The following GALNT13 variants were observed in gnomAD, a reference collection of about 807,000 sequenced individuals.
The protein encoded by GALNT13 is polypeptide N-acetylgalactosaminyltransferase 13.
GALNT13 carries 28 observed loss-of-function variants against 64.2 expected under a neutral mutation model. The ratio of observed to expected loss-of-function variants is 0.44; its 90% CI spans 0.32 to 0.60. The LOEUF (loss-of-function observed/expected upper bound fraction) is 0.60. Among genes scored for constraint, GALNT13 ranks in the 20% least tolerant of loss-of-function variants. The pLI is 0.05. For missense variants in GALNT13, 577 were observed against 669.8 expected, an observed-to-expected ratio of 0.86 and a Z score of 1.53; for synonymous variants, 214 against 224.6, an observed-to-expected ratio of 0.95 and a Z score of 0.42.
chr2:153,896,280 A>T (rs1187139493), intron 1 of GALNT13, among the ~76,000 whole-genome samples: 2 of 150,758 alleles, frequency 1.3e-5, no homozygotes, highest in East Asian at 4.0e-4. Flanking sequence ...TTTTCTGACT[A>T]TAATATAATG....
chr2:153,982,636 T>G (rs1444690), intron 3 of GALNT13, among the ~76,000 whole-genome samples: 116,121 of 151,798 alleles, frequency 0.76, 44,805 homozygotes, highest in East Asian at 0.96. Flanking sequence ...GTAATATAGG[T>G]TCTATTCTAA....
At chr2:153,835,071 G>T in the GALNT13 span, among the ~76,000 whole-genome samples, 1 of 152,014 alleles carries the variant, frequency 6.6e-6, no homozygotes, top group Non-Finnish European at 1.5e-5. Flanking sequence ...AAGACAGTCT[G>T]GTCCTTGAAG....
chr2:154,392,883 G>T (rs1698862541), intron 9 of GALNT13, among the ~76,000 whole-genome samples: 1 of 152,214 alleles, frequency 6.6e-6, no homozygotes, highest in Non-Finnish European at 1.5e-5. Context: ...GAGAAGTTAG[G>T]ACCAGGATGG....
At chr2:153,366,228 T>G in the GALNT13 span, among the ~76,000 whole-genome samples, 1 of 151,932 alleles carries the variant, frequency 6.6e-6, no homozygotes, top group Non-Finnish European at 1.5e-5. Context: ...AACAACACAC[T>G]GAGGCCTGTT....
At chr2:153,231,083 T>C in the GALNT13 span, among the ~76,000 whole-genome samples, 1 of 152,186 alleles carries the variant, frequency 6.6e-6, no homozygotes, top group Non-Finnish European at 1.5e-5. Flanking sequence ...TTTCTTCCCC[T>C]CTAAGCTCCT....
chr2:153,092,544 G>T, the GALNT13 span, among the ~76,000 whole-genome samples: 1 of 151,992 alleles, frequency 6.6e-6, no homozygotes, highest in East Asian at 1.9e-4. Context: ...TTTTATTATA[G>T]AGATATTTTA....
chr2:153,541,566 CCTT>C, the GALNT13 span, among the ~76,000 whole-genome samples: 1 of 152,286 alleles, frequency 6.6e-6, no homozygotes, highest in South Asian at 2.1e-4. Context: ...ATTACTCTAA[CCTT>C]CTCCCCTGCG....
chr2:153,986,557 T>C (rs1033355737), intron 3 of GALNT13, among the ~76,000 whole-genome samples: 2 of 151,940 alleles, frequency 1.3e-5, no homozygotes, highest in African/African-American at 4.8e-5. Flanking sequence ...AATTGTAAAG[T>C]TGCTTTGAGT....
the GALNT13 span, among the ~76,000 whole-genome samples, chr2:153,375,230 T>A: frequency 6.6e-6 from 1 of 152,230 alleles, no homozygotes; most frequent in African/African-American, 2.4e-5. Flanking sequence ...GAAGTATAAC[T>A]TATATTTTTC....
the GALNT13 span, among the ~76,000 whole-genome samples, chr2:153,524,254 G>C: frequency 1.3e-5 from 2 of 151,530 alleles, no homozygotes; most frequent in Non-Finnish European, 2.9e-5. Flanking sequence ...GAGAAATATT[G>C]GTTAATAGTA....
intron 9 of GALNT13, 66 bp downstream of exon 9, chr2:154,301,655 G>T: frequency 9.9e-7 from 1 of 1,007,828 alleles, no homozygotes; most frequent in Non-Finnish European, 1.5e-6. Flanking sequence ...CTGAATATGT[G>T]TTTCATTATT....
chr2:153,302,453 T>G, the GALNT13 span, among the ~76,000 whole-genome samples: 2 of 152,192 alleles, frequency 1.3e-5, no homozygotes, highest in Non-Finnish European at 2.9e-5. Flanking sequence ...TCCTTATATA[T>G]TTTGGATATT....
At chr2:153,499,189 G>A in the GALNT13 span, among the ~76,000 whole-genome samples, 5 of 152,148 alleles carry the variant, frequency 3.3e-5, no homozygotes, top group African/African-American at 2.4e-5. Flanking sequence ...GAAGAATGAG[G>A]TACACAGACA....
At chr2:153,678,222 T>G in the GALNT13 span, among the ~76,000 whole-genome samples, 18 of 151,428 alleles carry the variant, frequency 1.2e-4, no homozygotes, top group African/African-American at 3.9e-4. Context: ...TAAAGGCACA[T>G]GCACACATAT....
chr2:154,266,048 A>C (rs1690978952), intron 8 of GALNT13, among the ~76,000 whole-genome samples: 1 of 152,172 alleles, frequency 6.6e-6, no homozygotes, highest in Admixed American at 6.5e-5. Context: ...AGTATATAAC[A>C]AACTCAGTCT....
the GALNT13 span, among the ~76,000 whole-genome samples, chr2:153,842,159 C>T: frequency 4.6e-5 from 7 of 151,894 alleles, no homozygotes. Flanking sequence ...GGAATAATCT[C>T]TCCTACAGCA....
chr2:154,015,727 C>G (rs1696959529), intron 3 of GALNT13, among the ~76,000 whole-genome samples: 1 of 152,282 alleles, frequency 6.6e-6, no homozygotes, highest in African/African-American at 2.4e-5. Context: ...AAGCATCTTA[C>G]TGTCACATAT....
the GALNT13 span, among the ~76,000 whole-genome samples, chr2:153,149,924 G>GT: frequency 3.6e-4 from 55 of 151,906 alleles, no homozygotes; most frequent in African/African-American, 1.3e-3. Context: ...AATGGCAGGG[G>GT]TTTTTTTTGC....
the GALNT13 span, among the ~76,000 whole-genome samples, chr2:153,081,545 C>G: frequency 8.5e-5 from 13 of 152,142 alleles, no homozygotes; most frequent in African/African-American, 3.1e-4. Flanking sequence ...TGGTAACCAT[C>G]CTTCCACTCT....
Sources: gnomAD v4.1 joint callset for allele counts (sites outside exome capture counted in the v4.1 genomes callset) on GRCh38, gnomAD v4.1.1 for gene constraint, MANE v1.5 for transcripts, NCBI Gene and HGNC (gene_info 2026-07-23, HGNC 2026-07-21) for gene names.